Variants in ZNF277 observed in about 807,000 individuals in gnomAD.
ZNF277 encodes the protein nuclear receptor-interacting factor 4.
In ZNF277, 55 loss-of-function variants were observed where a neutral mutation model predicts 60.7. That is an observed-to-expected ratio of 0.91 (90% CI 0.73 to 1.13). The LOEUF (loss-of-function observed/expected upper bound fraction) is 1.13. ZNF277 is among the 50% of genes most tolerant of loss of function. The pLI, the probability that ZNF277 is intolerant of heterozygous loss-of-function variation, is 0.00. For missense variants in ZNF277, 510 were observed against 523.0 expected, an observed-to-expected ratio of 0.98 and a Z score of 0.24; for synonymous variants, 178 against 179.3, an observed-to-expected ratio of 0.99 and a Z score of 0.06.
In ZNF277 at chr7:112,342,592, C is replaced by G. The variant is rs1204074252; in HGVS notation, c.1216C>G (p.Leu406Val). 2 of 1,608,918 alleles carry G rather than the reference C, an allele frequency of 1.2e-6. No homozygotes were observed. Among genetic ancestry groups the G allele is most frequent in the South Asian group, 1.1e-5 (1 of 89,856 alleles). The change falls in exon 12 of 12, where the codon CTC (leucine) becomes GTC (valine). Residue 406 changes from leucine to valine, a missense_variant. Coordinates refer to ENST00000361822, the MANE Select transcript of ZNF277 (RefSeq NM_021994.3). ...TTTTCCAACCTATGAAAATGACACT[C>G]TCCTGTGTACACTATCTGACAGTGA... ...YYFPTYENDT[L>V]LCTLSDSESD...
chr7:112,264,708 A>G (rs998282606), intron 1 of ZNF277, among the ~76,000 whole-genome samples: 3 of 152,200 alleles, frequency 2.0e-5, no homozygotes, highest in Admixed American at 6.5e-5. Flanking sequence ...TCAGGTCACC[A>G]CAATAAAGAC....
chr7:112,312,153 G>A (rs756184800), intron 4 of ZNF277, among the ~76,000 whole-genome samples: 17 of 152,070 alleles, frequency 1.1e-4, no homozygotes, highest in Non-Finnish European at 2.4e-4. Flanking sequence ...ATTACATAGA[G>A]ATGATAACAT....
Position 112,327,704 on chromosome 7 carries a change from A to G in ZNF277, c.558-13A>G, listed in dbSNP as rs753976799. 1.0e-5 allele frequency: 16 copies of G among 1,603,406 alleles called. No homozygotes were observed. The highest frequency in any genetic ancestry group is 2.2e-5 in the East Asian group (1 of 44,664). ...ATTTGTGAATAATCCTAATTGCTCA[A>G]ATTTCTTCCTAGATCTGTTATTTTG... On this transcript the variant is annotated splice_polypyrimidine_tract_variant and intron_variant, in intron 5 of 11. Transcript: ENST00000361822.
In ZNF277 at chr7:112,281,480, C is replaced by A. The variant is rs147964363; in HGVS notation, c.92-5393C>A. On this transcript the variant is annotated intron_variant, in intron 1 of 11. Coordinates refer to ENST00000361822, the MANE Select transcript of ZNF277 (RefSeq NM_021994.3). ...GAGTGAAAAAATAATTTAAAAATTT[C>A]TAATTTAATATAACATACTTTTATT... is the stretch of plus-strand genomic sequence containing the variant. Among the ~76,000 whole-genome samples the A allele has an allele frequency of 1.6e-3, 245 of 152,266 alleles. 1 individual carries two copies. Among genetic ancestry groups the A allele is most frequent in the African/African-American group, 5.4e-3 (224 of 41,554 alleles).
chr7:112,212,832 C>T (rs76469588), intron 1 of ZNF277, among the ~76,000 whole-genome samples: 2 of 152,166 alleles, frequency 1.3e-5, no homozygotes, highest in African/African-American at 2.4e-5. Context: ...TCCTCTCTCA[C>T]TTCTATACAG....
Position 112,343,741 on chromosome 7 carries a change from C to T in ZNF277, c.*1012C>T, listed in dbSNP as rs564740107. Reference sequence around the variant, plus strand: ...AGGAGTTCAAGATCAGCCTGGCCAACGTGGCAAAACCCCATCTCTACGAAA... The same window carrying T: ...AGGAGTTCAAGATCAGCCTGGCCAATGTGGCAAAACCCCATCTCTACGAAA... On this transcript the variant is annotated 3_prime_UTR_variant, in exon 12 of 12. Coordinates refer to ENST00000361822, the MANE Select transcript of ZNF277 (RefSeq NM_021994.3). Among the ~76,000 whole-genome samples, 8 of 152,050 alleles carry T rather than the reference C, an allele frequency of 5.3e-5. No homozygotes were observed. In the South Asian group the frequency reaches 1.5e-3, roughly 28 times the overall value.
Position 112,343,742 on chromosome 7 carries a change from G to T in ZNF277, c.*1013G>T, listed in dbSNP as rs973402489. Reference sequence around the variant, plus strand: ...GGAGTTCAAGATCAGCCTGGCCAACGTGGCAAAACCCCATCTCTACGAAAA... The same window carrying T: ...GGAGTTCAAGATCAGCCTGGCCAACTTGGCAAAACCCCATCTCTACGAAAA... On this transcript the variant is annotated 3_prime_UTR_variant, in exon 12 of 12. Transcript: ENST00000361822. 2.6e-5 allele frequency among the ~76,000 whole-genome samples: 4 copies of T among 151,748 alleles called. No individual in the cohort carries two copies. Among genetic ancestry groups the T allele is most frequent in the African/African-American group, 9.7e-5 (4 of 41,278 alleles).
rs536017907 is a variant in ZNF277 at position 112,328,708 on chromosome 7, T to C, written c.668+881T>C. On this transcript the variant is annotated intron_variant, in intron 6 of 11. Coordinates refer to ENST00000361822, the MANE Select transcript of ZNF277 (RefSeq NM_021994.3). ...CAACATGGAGAAACCCCATCTCTAC[T>C]AAAAATACAAAATTAGCCGGGCATG... Among the ~76,000 whole-genome samples, 21 of 152,024 alleles carry C rather than the reference T, an allele frequency of 1.4e-4. No individual in the cohort carries two copies. The South Asian group carries it at 4.4e-3, about 32-fold the overall frequency.
At chr7:112,241,498 T>C (rs1790953949) in intron 1 of ZNF277, among the ~76,000 whole-genome samples, 4 of 152,134 alleles carry the variant, frequency 2.6e-5, no homozygotes, top group African/African-American at 9.7e-5. Flanking sequence ...TGCTCCTAGG[T>C]GTATACCCAA....
At position 112,332,203 on chromosome 7, in the gene ZNF277, G is replaced by C. The variant is rs534355763; in HGVS notation, c.801+1987G>C. ...AAATGAAAATTAAATTACAACTTTA[G>C]AGTCATATTGATAGAAGTCTTTTTT... On this transcript the variant is annotated intron_variant, in intron 7 of 11. Transcript: ENST00000361822. 2.0e-5 allele frequency among the ~76,000 whole-genome samples: 3 copies of C among 152,312 alleles called. No homozygotes were observed. In the South Asian group the frequency reaches 6.2e-4, roughly 32 times the overall value.
chr7:112,336,172 G>GT lies in ZNF277; in HGVS notation c.869+2dup, dbSNP rs1477351193. The GT allele has an allele frequency of 5.6e-6, 9 of 1,608,894 alleles. No homozygotes were observed. Among genetic ancestry groups the GT allele is most frequent in the Non-Finnish European group, 7.6e-6 (9 of 1,177,422 alleles). Reference sequence around the variant, plus strand: ...GGGAGTTGCTGGACCATCAGGAAGAGTAAGAGTTGTTATTGCTGCTAATTA... The same window carrying GT: ...GGGAGTTGCTGGACCATCAGGAAGAGTTAAGAGTTGTTATTGCTGCTAATTA... On this transcript the variant is annotated splice_donor_variant, in intron 8 of 11. Transcript: ENST00000361822. LOFTEE classifies it high-confidence loss of function.
At chr7:112,212,965 C>T (rs1466949543) in intron 1 of ZNF277, among the ~76,000 whole-genome samples, 2 of 152,092 alleles carry the variant, frequency 1.3e-5, no homozygotes, top group African/African-American at 4.8e-5. Flanking sequence ...CGTGGGATGT[C>T]AGAGAAGATA....
At chr7:112,284,465 C>A (rs1792015760) in intron 1 of ZNF277, among the ~76,000 whole-genome samples, 1 of 152,130 alleles carries the variant, frequency 6.6e-6, no homozygotes, top group African/African-American at 2.4e-5. Flanking sequence ...TATCTCTCTT[C>A]CTCCATTCTG....
At chr7:112,245,925 T>A (rs910783122) in intron 1 of ZNF277, among the ~76,000 whole-genome samples, 1 of 152,186 alleles carries the variant, frequency 6.6e-6, no homozygotes. Context: ...TAATAGCCAA[T>A]GTCAGAGTAT....
intron 1 of ZNF277, among the ~76,000 whole-genome samples, chr7:112,213,694 C>T (rs559439833): frequency 6.6e-6 from 1 of 152,270 alleles, no homozygotes; most frequent in East Asian, 1.9e-4. Flanking sequence ...ATCCTATGCA[C>T]GGTTGTAATG....
chr7:112,330,063 G>A, intron 6 of ZNF277, 21 bp from the exon 7 acceptor site: 1 of 1,601,598 alleles, frequency 6.2e-7, no homozygotes, highest in Non-Finnish European at 8.5e-7. Context: ...TTGTTTATCA[G>A]TGTTTGTGTA....
Position 112,209,875 on chromosome 7 carries a change from T to C in ZNF277, c.91+3068T>C, listed in dbSNP as rs147858730. Among the ~76,000 whole-genome samples, 68 of 152,236 alleles carry C rather than the reference T, an allele frequency of 4.5e-4. 1 individual carries two copies. The East Asian group carries it at 0.013, about 29-fold the overall frequency. Reference sequence around the variant, plus strand: ...ACATGGATGAAGCTGAAAACCATCATTGTGAGCAAACTATCGCAAGGACAG... The same window carrying C: ...ACATGGATGAAGCTGAAAACCATCACTGTGAGCAAACTATCGCAAGGACAG... On this transcript the variant is annotated intron_variant, in intron 1 of 11. Transcript: ENST00000361822.
intron 4 of ZNF277, among the ~76,000 whole-genome samples, chr7:112,307,348 A>C (rs1792621895): frequency 6.6e-6 from 1 of 152,054 alleles, no homozygotes; most frequent in Admixed American, 6.6e-5. Context: ...ACCACCTTTT[A>C]GAATTCAGTT....
intron 8 of ZNF277, among the ~76,000 whole-genome samples, chr7:112,337,393 T>C (rs1793354747): frequency 1.3e-5 from 2 of 152,206 alleles, no homozygotes; most frequent in South Asian, 4.1e-4. Context: ...GGAGAGAGCA[T>C]CACATTTTCT....
Sources: gnomAD v4.1 joint callset for allele counts (sites outside exome capture counted in the v4.1 genomes callset) on GRCh38, gnomAD v4.1.1 for gene constraint, MANE v1.5 for transcripts, NCBI Gene and HGNC (gene_info 2026-07-23, HGNC 2026-07-21) for gene names.